Variants in PIK3CB observed in about 807,000 individuals in gnomAD.
PIK3CB encodes the protein phosphatidylinositol-4,5-bisphosphate 3-kinase catalytic subunit beta, also known as phosphatidylinositol 4,5-bisphosphate 3-kinase catalytic subunit beta isoform.
In PIK3CB, 39 loss-of-function variants were observed where a neutral mutation model predicts 136.8. That is an observed-to-expected ratio of 0.29 (90% CI 0.22 to 0.37). PIK3CB has a LOEUF of 0.37. Ranked by LOEUF, PIK3CB falls within the 10% of genes least tolerant of loss-of-function variation. The probability of loss-of-function intolerance (pLI) is 1.00; values close to 1 mark genes in which losing one functional copy is unlikely to be tolerated. For missense variants in PIK3CB, 868 were observed against 1,275.4 expected, an observed-to-expected ratio of 0.68 and a Z score of 4.87; for synonymous variants, 428 against 436.6, an observed-to-expected ratio of 0.98 and a Z score of 0.25.
At chr3:138,731,268 G>T (rs923833123) in intron 8 of PIK3CB, among the ~76,000 whole-genome samples, 3 of 150,430 alleles carry the variant, frequency 2.0e-5, no homozygotes, top group African/African-American at 7.3e-5. Context: ...CTTTTTTTTG[G>T]GGGAGATTGG....
Position 138,665,206 on chromosome 3 carries a change from G to T in PIK3CB, c.2505-3C>A. 2 of 1,565,198 alleles carry T rather than the reference G, an allele frequency of 1.3e-6. No homozygotes were observed. Among genetic ancestry groups the T allele is most frequent in the Non-Finnish European group, 1.7e-6 (2 of 1,151,980 alleles). ...CTAAACAGCCATAAGGCAACATCCT[G>T]GAAGGAAAAAAATGGGCATAGAGTC... On this transcript the variant is annotated splice_polypyrimidine_tract_variant and splice_region_variant and intron_variant, in intron 19 of 23. Coordinates refer to ENST00000674063, the MANE Select transcript of PIK3CB (RefSeq NM_006219.3).
chr3:138,733,916 C>T (rs1420648593), intron 7 of PIK3CB, among the ~76,000 whole-genome samples: 1 of 152,070 alleles, frequency 6.6e-6, no homozygotes, highest in Non-Finnish European at 1.5e-5. Context: ...ATTATAACCC[C>T]TAGCACTTGG....
At chr3:138,761,940 A>AC (rs35097497) in intron 2 of PIK3CB, among the ~76,000 whole-genome samples, 1 of 56,226 alleles carries the variant, frequency 1.8e-5, no homozygotes, top group Non-Finnish European at 5.4e-5. Context: ...ACTCTGTCTC[A>AC]AAAAAAAAAA....
chr3:138,707,061 G>A (rs2108559793), intron 11 of PIK3CB, 98 bp downstream of exon 11: 2 of 803,600 alleles, frequency 2.5e-6, no homozygotes, highest in South Asian at 2.9e-5. Context: ...TCACTGTATG[G>A]GAAGTTTTGA....
chr3:138,697,083 T>TA (rs2044152960), intron 13 of PIK3CB, among the ~76,000 whole-genome samples: 1 of 152,240 alleles, frequency 6.6e-6, no homozygotes, highest in African/African-American at 2.4e-5. Flanking sequence ...CAAACCTCTC[T>TA]ATAAGACAGC....
At chr3:138,742,439 A>G in intron 5 of PIK3CB, 119 bp downstream of exon 5, 2 of 591,748 alleles carry the variant, frequency 3.4e-6, no homozygotes, top group Admixed American at 6.3e-5. Flanking sequence ...TGAAATATAA[A>G]ATTGTTCTTT....
chr3:138,684,606 G>A lies in PIK3CB; in HGVS notation c.2315+19C>T, dbSNP rs759577116. On this transcript the variant is annotated intron_variant, in intron 17 of 23. Transcript: ENST00000674063. Reference sequence around the variant, plus strand: ...TTGCTATTCATAGGAGATTCACTGCGCAAAGCACAGTCACTTACTAGAGTT... The same window carrying A: ...TTGCTATTCATAGGAGATTCACTGCACAAAGCACAGTCACTTACTAGAGTT... 24 of 1,570,962 alleles carry A rather than the reference G, an allele frequency of 1.5e-5. No homozygotes were observed. The highest frequency in any genetic ancestry group is 4.7e-5 in the South Asian group (4 of 85,138).
At chr3:138,760,405 T>G (rs1255791427) in intron 2 of PIK3CB, among the ~76,000 whole-genome samples, 1 of 152,184 alleles carries the variant, frequency 6.6e-6, no homozygotes, top group Non-Finnish European at 1.5e-5. Flanking sequence ...GCTAGACCTA[T>G]GTTCACATGA....
intron 1 of PIK3CB, among the ~76,000 whole-genome samples, chr3:138,806,301 C>T (rs573336482): frequency 6.6e-6 from 1 of 152,232 alleles, no homozygotes; most frequent in Admixed American, 6.5e-5. Flanking sequence ...GCCTGGCCAA[C>T]ATGGCAAAAC....
rs201041847 is a variant in PIK3CB at position 138,684,834 on chromosome 3, C to T, written c.2137-31G>A. On this transcript the variant is annotated intron_variant, in intron 16 of 23. Transcript: ENST00000674063. ...AAATAAGTTCCCCACACCAAAAATTCATTTGACTAAAAGTAATATAATATC... is the reference window on the plus strand; with the variant it reads ...AAATAAGTTCCCCACACCAAAAATTTATTTGACTAAAAGTAATATAATATC... 260 of 1,526,086 alleles carry T rather than the reference C, an allele frequency of 1.7e-4. 1 individual carries two copies. The African/African-American group carries it at 3.2e-3, about 19-fold the overall frequency. 94.5% of individuals were successfully genotyped at this position (1,526,086 alleles called of 1,614,324 possible).
chr3:138,830,895 C>G (rs1933998134), intron 1 of PIK3CB, among the ~76,000 whole-genome samples: 1 of 137,372 alleles, frequency 7.3e-6, no homozygotes, highest in Admixed American at 7.8e-5. Flanking sequence ...GAGCGAAACT[C>G]CGTCTCAAAA....
chr3:138,691,518 C>T (rs1417536965), intron 14 of PIK3CB, among the ~76,000 whole-genome samples: 1 of 152,190 alleles, frequency 6.6e-6, no homozygotes, highest in Non-Finnish European at 1.5e-5. Context: ...CCATGCTAGT[C>T]TCATGACAGT....
chr3:138,703,636 G>A (rs576443476), intron 12 of PIK3CB, among the ~76,000 whole-genome samples: 46 of 152,012 alleles, frequency 3.0e-4, no homozygotes, highest in Middle Eastern at 3.5e-3. Flanking sequence ...ATATATAGAT[G>A]TAGATATAGA....
chr3:138,667,233 C>T (rs1577048766), intron 19 of PIK3CB, among the ~76,000 whole-genome samples: 2 of 137,354 alleles, frequency 1.5e-5, no homozygotes, highest in East Asian at 2.2e-4. Context: ...AAAAAAAAGA[C>T]TTCCATGTGG....
chr3:138,759,466 C>T (rs112771221), intron 2 of PIK3CB, 107 bp from the exon 3 acceptor site: 58 of 646,582 alleles, frequency 9.0e-5, no homozygotes, highest in African/African-American at 8.7e-4. Flanking sequence ...TTCAATATAG[C>T]CAATAATGTA....
intron 10 of PIK3CB, among the ~76,000 whole-genome samples, chr3:138,709,734 C>G (rs570636589): frequency 6.6e-6 from 1 of 152,204 alleles, no homozygotes; most frequent in Non-Finnish European, 1.5e-5. Flanking sequence ...GTTAACACCA[C>G]CAAAAATTGT....
intron 16 of PIK3CB, among the ~76,000 whole-genome samples, chr3:138,685,546 AG>A (rs1479621006): frequency 6.6e-6 from 1 of 152,094 alleles, no homozygotes; most frequent in East Asian, 1.9e-4. Context: ...CTAGTATTAG[AG>A]AAAAACCTAT....
chr3:138,717,373 T>C (rs983520123), intron 8 of PIK3CB, among the ~76,000 whole-genome samples: 5 of 152,180 alleles, frequency 3.3e-5, no homozygotes, highest in African/African-American at 1.2e-4. Context: ...TTATTTTATA[T>C]AATGTTACCT....
At chr3:138,736,764 G>A (rs1284826356) in intron 6 of PIK3CB, among the ~76,000 whole-genome samples, 1 of 152,096 alleles carries the variant, frequency 6.6e-6, no homozygotes, top group Admixed American at 6.6e-5. Context: ...ATAAATACCC[G>A]AATGATTAAT....
Sources: gnomAD v4.1 joint callset for allele counts (sites outside exome capture counted in the v4.1 genomes callset) on GRCh38, gnomAD v4.1.1 for gene constraint, MANE v1.5 for transcripts, NCBI Gene and HGNC (gene_info 2026-07-23, HGNC 2026-07-21) for gene names.